The following AMZ1 variants were observed in gnomAD, a reference collection of about 807,000 sequenced individuals.
The protein encoded by AMZ1 is archaemetzincin-1.
Under a neutral mutation model 29.9 loss-of-function variants are expected in AMZ1, and 39 were observed. The observed-to-expected ratio is 1.30, with a 90% confidence interval of 1.01 to 1.70. AMZ1 has a LOEUF of 1.70. Ranked by LOEUF, AMZ1 falls within the 40% of genes most tolerant of loss-of-function variation. The pLI, the probability that AMZ1 is intolerant of heterozygous loss-of-function variation, is 0.00. For missense variants in AMZ1, 1,041 were observed against 680.6 expected (o/e 1.53, Z -5.89); for synonymous variants, 458 against 304.0 (o/e 1.51, Z -5.27).
chr7:2,762,665 T>TAAATCATTTGG, upstream of AMZ1: 1 of 1,598,892 alleles, frequency 6.3e-7, no homozygotes, highest in Non-Finnish European at 8.5e-7. Context: ...GATGAGAGGA[T>TAAATCATTTGG]AAATCATTTG....
chr7:2,737,688 G>A (rs1790278278), intron 4 of AMZ1, among the ~76,000 whole-genome samples: 1 of 152,198 alleles, frequency 6.6e-6, no homozygotes, highest in South Asian at 2.1e-4. Context: ...TGGTGAGCTA[G>A]AGGATTCCAA....
intron 4 of AMZ1, among the ~76,000 whole-genome samples, chr7:2,746,927 G>C (rs1790792209): frequency 6.6e-6 from 1 of 152,182 alleles, no homozygotes; most frequent in Admixed American, 6.5e-5. Flanking sequence ...AGAAGAAATG[G>C]ATAAATTCCT....
intron 4 of AMZ1, among the ~76,000 whole-genome samples, chr7:2,741,526 C>A (rs1790503504): frequency 6.6e-6 from 1 of 152,132 alleles, no homozygotes; most frequent in South Asian, 2.1e-4. Flanking sequence ...CAGCAGAATT[C>A]CAGCCTTTGT....
At chr7:2,721,661 AG>A (rs1351387440), downstream of AMZ1, among the ~76,000 whole-genome samples, 1 of 151,498 alleles carries the variant, frequency 6.6e-6, no homozygotes, top group Non-Finnish European at 1.5e-5. Flanking sequence ...GGTTGCAGTG[AG>A]CCGAGATCGC....
At chr7:2,738,624 G>A (rs1300358770) in intron 4 of AMZ1, among the ~76,000 whole-genome samples, 2 of 152,092 alleles carry the variant, frequency 1.3e-5, no homozygotes, top group African/African-American at 4.8e-5. Flanking sequence ...CTTCTAGGGA[G>A]GGAGGGAATG....
chr7:2,711,303 A>T (rs1248551463), intron 6 of AMZ1, among the ~76,000 whole-genome samples: 1 of 152,168 alleles, frequency 6.6e-6, no homozygotes, highest in Admixed American at 6.5e-5. Context: ...GCCTGGCCAG[A>T]AAAGGTCACT....
chr7:2,729,372 T>C (rs964733242), intron 4 of AMZ1: 1 of 152,272 alleles, frequency 6.6e-6, no homozygotes, highest in African/African-American at 2.4e-5. Flanking sequence ...TCGGCACTCA[T>C]CTCCGGTCAC....
chr7:2,760,322 G>A (rs1208315337), upstream of AMZ1: 1 of 152,452 alleles, frequency 6.6e-6, no homozygotes, highest in South Asian at 2.1e-4. Flanking sequence ...GCACAGGCTC[G>A]ACTCAATAGA....
At chr7:2,693,632 T>G (rs887963948) in intron 1 of AMZ1, among the ~76,000 whole-genome samples, 1 of 152,136 alleles carries the variant, frequency 6.6e-6, no homozygotes, top group Admixed American at 6.5e-5. Context: ...CTCCGCTCAC[T>G]GCAAGCTCCG....
At chr7:2,720,413 A>C (rs1394046624), downstream of AMZ1, among the ~76,000 whole-genome samples, 1 of 151,870 alleles carries the variant, frequency 6.6e-6, no homozygotes, top group Non-Finnish European at 1.5e-5. Context: ...ATTTTTTTGA[A>C]TTTTTATTTA....
At position 2,712,340 on chromosome 7, in the gene AMZ1, C is replaced by T. The variant is rs764237681; in HGVS notation, c.959C>T (p.Thr320Ile). ...RLIERYQRLY[T>I]WTQAVVGTWP... ...GTTTCTCCCTCTTAGAGACTCTACA[C>T]CTGGACTCAGGCGGTGGTGGGGACG... The change falls in exon 7 of 7, where the codon ACC (threonine) becomes ATC (isoleucine). Residue 320 changes from threonine to isoleucine, a missense_variant. By Grantham distance (89) the Thr-to-Ile change is moderately conservative. Coordinates refer to ENST00000683327, the MANE Select transcript of AMZ1 (RefSeq NM_001384743.1). 6.3e-7 allele frequency: 1 copy of T among 1,588,754 alleles called. No individual in the cohort carries two copies. The highest frequency in any genetic ancestry group is 1.7e-5 in the Admixed American group (1 of 57,920).
rs1484196268 is a variant in AMZ1 at position 2,719,632 on chromosome 7, G to A, written c.*6754G>A. 6.6e-6 allele frequency among the ~76,000 whole-genome samples: 1 copy of A among 151,986 alleles called. No individual in the cohort carries two copies. The highest frequency in any genetic ancestry group is 2.4e-5 in the African/African-American group (1 of 41,368). On this transcript the variant is annotated 3_prime_UTR_variant, in exon 7 of 7. Coordinates refer to ENST00000683327, the MANE Select transcript of AMZ1 (RefSeq NM_001384743.1). ...AATTGTTACTCAGCTTTTCTATAAT[G>A]CTTACATCTTACATTTTCATTCTCA...
At chr7:2,764,492 C>G (rs1029111981), upstream of AMZ1, 1 of 152,152 alleles carries the variant, frequency 6.6e-6, no homozygotes, top group African/African-American at 2.4e-5. Flanking sequence ...CTGAGACGCC[C>G]CAGTTGCCCA....
chr7:2,742,084 C>T (rs1397385539), intron 4 of AMZ1, among the ~76,000 whole-genome samples: 3 of 151,762 alleles, frequency 2.0e-5, no homozygotes, highest in African/African-American at 7.3e-5. Flanking sequence ...TGCAGTGGGG[C>T]GATCTCAGCT....
intron 6 of AMZ1, among the ~76,000 whole-genome samples, chr7:2,711,183 G>C (rs1022049116): frequency 6.6e-6 from 1 of 152,196 alleles, no homozygotes; most frequent in Non-Finnish European, 1.5e-5. Context: ...CAGGGCAAAG[G>C]CACTCCAGGG....
upstream of AMZ1, among the ~76,000 whole-genome samples, chr7:2,684,882 T>C (rs1052842661): frequency 3.3e-5 from 5 of 150,884 alleles, no homozygotes; most frequent in African/African-American, 9.7e-5. Context: ...CTTTTTTTTT[T>C]TTTTTTTTTG....
chr7:2,740,117 T>G (rs1790423563), intron 4 of AMZ1, among the ~76,000 whole-genome samples: 1 of 152,232 alleles, frequency 6.6e-6, no homozygotes, highest in Non-Finnish European at 1.5e-5. Flanking sequence ...TTCTGATTTT[T>G]AAAAACGGTG....
rs148450778 is a variant in AMZ1, at chr7:2,709,803, T to C, written c.935T>C (p.Ile312Thr). Reference sequence around the variant, plus strand: ...CAGCATGTCCTGGGTTTCAGGCTCATCGAGAGGTACCAGGTGAGTGGCTGA... The same window carrying C: ...CAGCATGTCCTGGGTTTCAGGCTCACCGAGAGGTACCAGGTGAGTGGCTGA... ...KLQHVLGFRL[I>T]ERYQRLYTWT... is the part of the protein sequence containing the mutation. Residue 312 changes from isoleucine to threonine, a missense_variant, in exon 6 of 7, where the codon ATC (isoleucine) becomes ACC (threonine). By Grantham distance (89) the Ile-to-Thr change is moderately conservative (BLOSUM62 -1). Coordinates refer to ENST00000683327, the MANE Select transcript of AMZ1 (RefSeq NM_001384743.1). The C allele has an allele frequency of 6.5e-4, 1,055 of 1,612,010 alleles. 1 individual carries two copies. Among genetic ancestry groups the C allele is most frequent in the Non-Finnish European group, 8.5e-4 (999 of 1,179,802 alleles).
At chr7:2,733,843 C>A (rs540922494) in intron 4 of AMZ1, among the ~76,000 whole-genome samples, 1 of 152,206 alleles carries the variant, frequency 6.6e-6, no homozygotes, top group African/African-American at 2.4e-5. Context: ...ATGCGGCCAG[C>A]AAAGGACAGG....
Sources: gnomAD v4.1 joint callset for allele counts (sites outside exome capture counted in the v4.1 genomes callset) on GRCh38, gnomAD v4.1.1 for gene constraint, MANE v1.5 for transcripts, NCBI Gene and HGNC (gene_info 2026-07-23, HGNC 2026-07-21) for gene names.